Variants in PTPRO observed in about 807,000 individuals in gnomAD.
The protein encoded by PTPRO is receptor-type tyrosine-protein phosphatase O.
PTPRO carries 62 observed loss-of-function variants against 145.2 expected under a neutral mutation model. The ratio of observed to expected loss-of-function variants is 0.43; its 90% CI spans 0.35 to 0.53. PTPRO has a LOEUF of 0.53. Among genes scored for constraint, PTPRO ranks in the 20% least tolerant of loss-of-function variants. PTPRO has a pLI of 0.01. For missense variants in PTPRO, 1,345 were observed against 1,482.7 expected (o/e 0.91, Z 1.53); for synonymous variants, 565 against 514.7 (o/e 1.10, Z -1.32).
chr12:15,538,371 C>T (rs1177972063), intron 12 of PTPRO, among the ~76,000 whole-genome samples: 4 of 152,016 alleles, frequency 2.6e-5, no homozygotes, highest in South Asian at 2.1e-4. Context: ...ATTACAGGTG[C>T]GCACCACCAC....
intron 1 of PTPRO, among the ~76,000 whole-genome samples, chr12:15,352,533 C>G (rs1025008502): frequency 2.0e-5 from 3 of 151,744 alleles, no homozygotes; most frequent in Non-Finnish European, 4.4e-5. Context: ...CGCCTGTAGT[C>G]CCAGCTACTC....
At chr12:15,384,265 A>G (rs747517045) in intron 1 of PTPRO, among the ~76,000 whole-genome samples, 6 of 152,196 alleles carry the variant, frequency 3.9e-5, no homozygotes, top group Non-Finnish European at 8.8e-5. Context: ...TCCTTTGAAT[A>G]TGTACCTAGT....
chr12:15,360,991 TAG>T (rs1938188244), intron 1 of PTPRO, among the ~76,000 whole-genome samples: 2 of 147,426 alleles, frequency 1.4e-5, no homozygotes, highest in African/African-American at 5.0e-5. Flanking sequence ...TACACACACA[TAG>T]TGTGTGTGTG....
chr12:15,537,623 C>T (rs1943091770), intron 12 of PTPRO, among the ~76,000 whole-genome samples: 1 of 152,130 alleles, frequency 6.6e-6, no homozygotes, highest in Non-Finnish European at 1.5e-5. Flanking sequence ...ATCTAAAATG[C>T]ACAGGAGCTA....
chr12:15,579,540 T>C (rs1446557068), intron 20 of PTPRO, among the ~76,000 whole-genome samples: 3 of 152,252 alleles, frequency 2.0e-5, no homozygotes, highest in Non-Finnish European at 4.4e-5. Flanking sequence ...TGATATGGTT[T>C]CTTGATGAAA....
chr12:15,445,693 T>G (rs975257270), intron 1 of PTPRO, among the ~76,000 whole-genome samples: 2 of 152,172 alleles, frequency 1.3e-5, no homozygotes, highest in Non-Finnish European at 2.9e-5. Flanking sequence ...TTTATAAAAA[T>G]GTAGTTTGGT....
intron 23 of PTPRO, among the ~76,000 whole-genome samples, chr12:15,584,443 TA>T (rs1404882360): frequency 6.6e-6 from 1 of 152,236 alleles, no homozygotes; most frequent in Admixed American, 6.5e-5. Flanking sequence ...TTCCATTGCC[TA>T]TTCTGTTGAC....
chr12:15,478,827 A>G (rs1305023963), intron 1 of PTPRO, among the ~76,000 whole-genome samples: 1 of 151,856 alleles, frequency 6.6e-6, no homozygotes, highest in Non-Finnish European at 1.5e-5. Flanking sequence ...GCCCGCCACC[A>G]CGCCCGGGTA....
At chr12:15,391,720 A>G (rs2136287360) in intron 1 of PTPRO, among the ~76,000 whole-genome samples, 2 of 152,324 alleles carry the variant, frequency 1.3e-5, no homozygotes, top group South Asian at 4.1e-4. Flanking sequence ...ACTTAAAGTG[A>G]GACAGAGTAA....
chr12:15,477,830 A>G (rs961673987), intron 1 of PTPRO, among the ~76,000 whole-genome samples: 2 of 152,132 alleles, frequency 1.3e-5, no homozygotes, highest in African/African-American at 2.4e-5. Flanking sequence ...GAGGGATGAG[A>G]GGGCATCCCA....
intron 23 of PTPRO, among the ~76,000 whole-genome samples, chr12:15,584,450 T>C (rs1320714916): frequency 6.6e-6 from 1 of 152,228 alleles, no homozygotes; most frequent in South Asian, 2.1e-4. Flanking sequence ...GCCTATTCTG[T>C]TGACAAAGAA....
chr12:15,467,710 T>A (rs1391429193), intron 1 of PTPRO, among the ~76,000 whole-genome samples: 1 of 152,116 alleles, frequency 6.6e-6, no homozygotes, highest in African/African-American at 2.4e-5. Flanking sequence ...CCCCTTGGAG[T>A]TTTTGTTAAT....
intron 1 of PTPRO, among the ~76,000 whole-genome samples, chr12:15,406,285 G>T (rs139100050): frequency 0.012 from 1,805 of 152,216 alleles, 17 homozygotes; most frequent in Admixed American, 0.017. Flanking sequence ...AAAATAAATT[G>T]CATAACACAT....
At position 15,372,001 on chromosome 12, in the gene PTPRO, G is replaced by C. The variant is rs572965204; in HGVS notation, c.75+49200G>C. ...ACCTCTTTCCTATATAAATTGCCCA[G>C]TCTCAGGCAGTTATTTCTAGCAGTG... On this transcript the variant is annotated intron_variant, in intron 1 of 26. Coordinates refer to ENST00000281171, the MANE Select transcript of PTPRO (RefSeq NM_030667.3). Among the ~76,000 whole-genome samples the C allele has an allele frequency of 1.3e-4, 20 of 152,206 alleles. No homozygotes were observed. The South Asian group carries it at 4.1e-3, about 32-fold the overall frequency.
chr12:15,564,605 A>C (rs1943852990), intron 17 of PTPRO, among the ~76,000 whole-genome samples: 1 of 152,246 alleles, frequency 6.6e-6, no homozygotes, highest in South Asian at 2.1e-4. Context: ...GCTTTCAGGA[A>C]GTGGAGATAT....
chr12:15,518,719 A>C (rs1463404346), intron 9 of PTPRO, among the ~76,000 whole-genome samples: 1 of 152,228 alleles, frequency 6.6e-6, no homozygotes, highest in Non-Finnish European at 1.5e-5. Flanking sequence ...AGGGAGGCAC[A>C]AAATGCTGCC....
chr12:15,585,325 C>T (rs1021659562), intron 23 of PTPRO, among the ~76,000 whole-genome samples: 1 of 152,114 alleles, frequency 6.6e-6, no homozygotes, highest in Non-Finnish European at 1.5e-5. Context: ...TTATTCTGCA[C>T]AATTCTTTAT....
intron 19 of PTPRO, among the ~76,000 whole-genome samples, chr12:15,573,656 T>C (rs1343627498): frequency 6.6e-6 from 1 of 152,226 alleles, no homozygotes; most frequent in Non-Finnish European, 1.5e-5. Context: ...TTAGACTGTA[T>C]GTTTTGGACT....
At chr12:15,546,412 C>G in intron 12 of PTPRO, 157 bp from the exon 13 acceptor site, 1 of 1,449,570 alleles carries the variant, frequency 6.9e-7, no homozygotes, top group Non-Finnish European at 9.0e-7. Flanking sequence ...AGATAGCTAT[C>G]TTTATGAAAG....
Sources: allele counts gnomAD v4.1 joint callset (sites outside exome capture counted in the v4.1 genomes callset), GRCh38; gene constraint gnomAD v4.1.1; transcripts MANE v1.5; gene names NCBI Gene and HGNC (gene_info 2026-07-23, HGNC 2026-07-21).